Variants in ADAMTS17 observed in about 807,000 individuals in gnomAD.
ADAMTS17 encodes A disintegrin and metalloproteinase with thrombospondin motifs 17.
Under a neutral mutation model 141.5 loss-of-function variants are expected in ADAMTS17, and 113 were observed. That is an observed-to-expected ratio of 0.80 (90% CI 0.69 to 0.93). The LOEUF is 0.93. Among genes scored for constraint, ADAMTS17 ranks in the 40% least tolerant of loss-of-function variants. The pLI, the probability that ADAMTS17 is intolerant of heterozygous loss-of-function variation, is 0.00. For missense variants in ADAMTS17, 1,659 were observed against 1,517.9 expected (o/e 1.09, Z -1.54); for synonymous variants, 768 against 630.6 (o/e 1.22, Z -3.27).
At chr15:100,333,064 T>C (rs151080180) in intron 2 of ADAMTS17, among the ~76,000 whole-genome samples, 2 of 152,262 alleles carry the variant, frequency 1.3e-5, no homozygotes, top group Non-Finnish European at 2.9e-5. Flanking sequence ...GTGCCACCTA[T>C]GCATTACACA....
At chr15:100,030,749 CT>C (rs781477327) in intron 18 of ADAMTS17, among the ~76,000 whole-genome samples, 11 of 152,182 alleles carry the variant, frequency 7.2e-5, no homozygotes, top group Non-Finnish European at 1.2e-4. Flanking sequence ...TGATCTTGTT[CT>C]GACAAGAAGG....
chr15:100,282,852 AGAGAAGCC>A (rs1310174294), intron 3 of ADAMTS17, among the ~76,000 whole-genome samples: 2 of 152,242 alleles, frequency 1.3e-5, no homozygotes, highest in Admixed American at 1.3e-4. Flanking sequence ...TTAGAGATCT[AGAGAAGCC>A]GATATAAATC....
intron 6 of ADAMTS17, among the ~76,000 whole-genome samples, chr15:100,259,656 T>C (rs188867403): frequency 8.5e-5 from 13 of 152,382 alleles, no homozygotes; most frequent in Non-Finnish European, 1.2e-4. Flanking sequence ...AGCTTATATA[T>C]GGATTATATA....
chr15:100,251,891 C>T (rs8037019), intron 7 of ADAMTS17, among the ~76,000 whole-genome samples: 49,393 of 152,050 alleles, frequency 0.32, 8,292 homozygotes, highest in East Asian at 0.49. Context: ...CAGCCAGCTA[C>T]GGCCAAGAGG....
intron 3 of ADAMTS17, among the ~76,000 whole-genome samples, chr15:100,319,811 T>A (rs1596515798): frequency 6.6e-6 from 1 of 151,054 alleles, no homozygotes; most frequent in Admixed American, 6.6e-5. Context: ...ACACCTATAA[T>A]CCCAGCCACT....
chr15:100,166,900 C>T (rs2039971852), intron 8 of ADAMTS17, among the ~76,000 whole-genome samples: 1 of 152,214 alleles, frequency 6.6e-6, no homozygotes, highest in Admixed American at 6.5e-5. Context: ...GACACACAGC[C>T]TCTGCAGGAA....
chr15:100,270,948 G>A (rs1031978012), intron 4 of ADAMTS17, among the ~76,000 whole-genome samples: 13 of 151,150 alleles, frequency 8.6e-5, no homozygotes, highest in Non-Finnish European at 1.5e-4. Flanking sequence ...AGCGCTATTC[G>A]ACTTTCCGTC....
intron 15 of ADAMTS17, among the ~76,000 whole-genome samples, chr15:100,095,609 G>C (rs765631413): frequency 1.3e-5 from 2 of 152,152 alleles, no homozygotes; most frequent in Non-Finnish European, 2.9e-5. Flanking sequence ...GTGCACACTC[G>C]CTAAGGCTGC....
chr15:100,072,927 A>G (rs1014316951), intron 15 of ADAMTS17, among the ~76,000 whole-genome samples: 29 of 152,246 alleles, frequency 1.9e-4, no homozygotes. Flanking sequence ...TGACAAAATT[A>G]AAGTATAGGG....
chr15:100,173,723 T>A (rs2040239911), intron 8 of ADAMTS17, among the ~76,000 whole-genome samples: 1 of 152,248 alleles, frequency 6.6e-6, no homozygotes, highest in Non-Finnish European at 1.5e-5. Context: ...TGGCTATTAC[T>A]GCTGGCTGCA....
chr15:100,013,112 G>C (rs927385675), intron 18 of ADAMTS17, among the ~76,000 whole-genome samples: 1 of 152,106 alleles, frequency 6.6e-6, no homozygotes, highest in Non-Finnish European at 1.5e-5. Context: ...TTCTTGGTTA[G>C]GTATATTCCT....
chr15:100,292,062 G>A (rs757046672), intron 3 of ADAMTS17, among the ~76,000 whole-genome samples: 11 of 132,712 alleles, frequency 8.3e-5, no homozygotes, highest in Non-Finnish European at 1.3e-4. Context: ...GGGGAGTCAC[G>A]AGAGACGCTC....
chr15:100,094,563 T>C (rs935266140), intron 15 of ADAMTS17, among the ~76,000 whole-genome samples: 1 of 152,220 alleles, frequency 6.6e-6, no homozygotes. Flanking sequence ...GGTAGAACTT[T>C]CCTTAGTGTT....
chr15:100,118,161 T>C (rs12594025), intron 12 of ADAMTS17, among the ~76,000 whole-genome samples: 66,978 of 152,106 alleles, frequency 0.44, 15,232 homozygotes, highest in East Asian at 0.58. Context: ...ATTTTTGGTT[T>C]TGTGGGCCAA....
chr15:99,987,353 A>G (rs570012878), intron 20 of ADAMTS17, among the ~76,000 whole-genome samples: 2 of 152,300 alleles, frequency 1.3e-5, no homozygotes, highest in East Asian at 3.9e-4. Flanking sequence ...TTTGCCTCCC[A>G]AGACCTCGAA....
chr15:100,281,123 CAGCGTCT>C, intron 4 of ADAMTS17, 99 bp downstream of exon 4: 1 of 1,488,734 alleles, frequency 6.7e-7, no homozygotes, highest in Non-Finnish European at 9.1e-7. Flanking sequence ...ATCCCCAACC[CAGCGTCT>C]TCCTCACTTG....
chr15:100,003,949 G>A (rs1340163501), intron 18 of ADAMTS17, among the ~76,000 whole-genome samples: 9 of 150,670 alleles, frequency 6.0e-5, no homozygotes, highest in Non-Finnish European at 1.3e-4. Context: ...TGGTGGTGAT[G>A]GCTGCACAAG....
At chr15:100,009,006 AT>A (rs1456194027) in intron 18 of ADAMTS17, among the ~76,000 whole-genome samples, 1 of 152,060 alleles carries the variant, frequency 6.6e-6, no homozygotes, top group East Asian at 1.9e-4. Flanking sequence ...TGCCCGGCTA[AT>A]TTTTTGATTT....
intron 15 of ADAMTS17, 56 bp downstream of exon 15, chr15:100,096,300 G>A: frequency 2.5e-6 from 4 of 1,607,708 alleles, no homozygotes; most frequent in East Asian, 2.2e-5. Context: ...ATCAATAGCT[G>A]TAGGCAAAGG....
Sources: gnomAD v4.1 joint callset for allele counts (sites outside exome capture counted in the v4.1 genomes callset) on GRCh38, gnomAD v4.1.1 for gene constraint, MANE v1.5 for transcripts, NCBI Gene and HGNC (gene_info 2026-07-23, HGNC 2026-07-21) for gene names.